Variants in IL1RN observed in about 807,000 individuals in gnomAD.
IL1RN encodes the protein interleukin-1 receptor antagonist protein.
In IL1RN, 10 loss-of-function variants were observed where a neutral mutation model predicts 13.7. The ratio of observed to expected loss-of-function variants is 0.73; its 90% CI spans 0.45 to 1.24. IL1RN has a LOEUF of 1.24. Ranked by LOEUF, IL1RN falls within the 50% of genes most tolerant of loss-of-function variation. The pLI is 0.00. For missense variants in IL1RN, 213 were observed against 222.1 expected, an observed-to-expected ratio of 0.96 and a Z score of 0.26; for synonymous variants, 102 against 82.7, an observed-to-expected ratio of 1.23 and a Z score of -1.27.
the IL1RN span, among the ~76,000 whole-genome samples, chr2:113,099,719 C>CCTTCTTTTTTTTTT: frequency 5.2e-4 from 42 of 80,532 alleles, 9 homozygotes; most frequent in Non-Finnish European, 6.9e-4. Context: ...GCATCCTCTT[C>CCTTCTTTTTTTTTT]TTTCTTTTCT....
chr2:113,132,679 C>T lies in IL1RN; in HGVS notation c.342C>T (p.Ser114=), dbSNP rs368859169. ...AGGCAGTTAACATCACTGACCTGAG[C>T]GAGAACAGAAAGCAGGACAAGCGCT... The part of the protein sequence containing the change: ...QLEAVNITDL[S]ENRKQDKRFA... The change falls in exon 4 of 4, where the codon AGC becomes AGT. Residue 114 remains serine, a synonymous_variant. Transcript: ENST00000409930. 26 of 1,614,090 alleles carry T rather than the reference C, an allele frequency of 1.6e-5. No homozygotes were observed. Among genetic ancestry groups the T allele is most frequent in the South Asian group, 3.3e-5 (3 of 91,092 alleles).
chr2:113,126,893 G>A (rs571771142), upstream of IL1RN, among the ~76,000 whole-genome samples: 7 of 152,330 alleles, frequency 4.6e-5, no homozygotes, highest in South Asian at 1.4e-3. Flanking sequence ...TAACTTTAAA[G>A]ATGTAAGATA....
intron 2 of IL1RN, chr2:113,121,621 A>T: frequency 1.0e-6 from 1 of 985,094 alleles, no homozygotes. Flanking sequence ...GATTCACAGT[A>T]AGTTAACCAT....
upstream of IL1RN, among the ~76,000 whole-genome samples, chr2:113,117,276 G>A (rs1333168736): frequency 6.6e-6 from 1 of 152,190 alleles, no homozygotes; most frequent in Non-Finnish European, 1.5e-5. Context: ...CTAAGACATG[G>A]CTTCCACGTA....
upstream of IL1RN, among the ~76,000 whole-genome samples, chr2:113,106,263 G>A (rs150780420): frequency 1.6e-3 from 237 of 152,190 alleles, 6 homozygotes; most frequent in East Asian, 0.018. Context: ...GAATGAATAA[G>A]GAACAAGAAC....
At chr2:113,110,919 G>T (rs1277989669), upstream of IL1RN, among the ~76,000 whole-genome samples, 4 of 152,138 alleles carry the variant, frequency 2.6e-5, no homozygotes, top group Admixed American at 1.3e-4. Context: ...ACTAATTTCT[G>T]GAATGAGTTA....
At chr2:113,127,541 C>A (rs1687003127), upstream of IL1RN, 1 of 1,548,396 alleles carries the variant, frequency 6.5e-7, no homozygotes, top group Non-Finnish European at 8.7e-7. Flanking sequence ...GTGGCAGACG[C>A]CTAGCTTGGG....
upstream of IL1RN, among the ~76,000 whole-genome samples, chr2:113,108,964 G>A (rs1686428027): frequency 6.6e-6 from 1 of 151,944 alleles, no homozygotes; most frequent in Non-Finnish European, 1.5e-5. Flanking sequence ...AAATAGTCAT[G>A]ACAAAAATTT....
At chr2:113,127,449 G>A, upstream of IL1RN, 4 of 1,403,930 alleles carry the variant, frequency 2.8e-6, no homozygotes, top group Non-Finnish European at 3.7e-6. Context: ...GCGACACTTA[G>A]TGGGGTTGAA....
intron 2 of IL1RN, 85 bp downstream of exon 2, chr2:113,129,749 A>C: frequency 1.1e-6 from 1 of 887,152 alleles, no homozygotes; most frequent in Non-Finnish European, 1.9e-6. Flanking sequence ...TGCCTGCACA[A>C]ACCCTAGGTG....
intron 2 of IL1RN, chr2:113,130,073 A>C (rs1687107369): frequency 8.4e-6 from 2 of 238,868 alleles, no homozygotes; most frequent in South Asian, 1.2e-4. Flanking sequence ...TGGACACCAT[A>C]CTCAGCCATA....
upstream of IL1RN, among the ~76,000 whole-genome samples, chr2:113,123,568 T>C (rs2104444519): frequency 6.6e-6 from 1 of 152,310 alleles, no homozygotes; most frequent in African/African-American, 2.4e-5. Context: ...GGCCTACCTG[T>C]GCAGCAGGAG....
upstream of IL1RN, among the ~76,000 whole-genome samples, chr2:113,108,283 A>G (rs914862395): frequency 6.6e-6 from 1 of 150,628 alleles, no homozygotes; most frequent in African/African-American, 2.4e-5. Flanking sequence ...ATTATACTTT[A>G]AGTTTTAGGG....
At chr2:113,100,455 A>G in the IL1RN span, among the ~76,000 whole-genome samples, 1 of 152,206 alleles carries the variant, frequency 6.6e-6, no homozygotes, top group Non-Finnish European at 1.5e-5. Flanking sequence ...AGGGGAGGAC[A>G]GGAGTCTGTC....
At chr2:113,108,295 A>G (rs947548215), upstream of IL1RN, among the ~76,000 whole-genome samples, 3 of 151,632 alleles carry the variant, frequency 2.0e-5, no homozygotes, top group Non-Finnish European at 2.9e-5. Context: ...GTTTTAGGGT[A>G]CATGTGCACA....
chr2:113,123,945 A>G (rs1045286217), upstream of IL1RN, among the ~76,000 whole-genome samples: 28 of 152,218 alleles, frequency 1.8e-4, no homozygotes, highest in African/African-American at 6.5e-4. Flanking sequence ...TCCCATGTGG[A>G]CAGCTGTGCT....
chr2:113,108,436 T>A (rs918091566), upstream of IL1RN, among the ~76,000 whole-genome samples: 4 of 146,026 alleles, frequency 2.7e-5, no homozygotes, highest in Non-Finnish European at 5.9e-5. Flanking sequence ...CAGTCCCCAG[T>A]GTGCGATGTT....
chr2:113,122,249 G>T (rs1373373396), intron 2 of IL1RN, among the ~76,000 whole-genome samples: 2 of 152,168 alleles, frequency 1.3e-5, no homozygotes, highest in African/African-American at 2.4e-5. Context: ...ATTTGTTAAA[G>T]CTTCCCGACA....
At chr2:113,132,431 G>C (rs929806988) in intron 3 of IL1RN, among the ~76,000 whole-genome samples, 1 of 152,216 alleles carries the variant, frequency 6.6e-6, no homozygotes, top group Admixed American at 6.5e-5. Flanking sequence ...CTAGGCGACA[G>C]AGCAAGACTC....
Sources: gnomAD v4.1 joint callset for allele counts (sites outside exome capture counted in the v4.1 genomes callset) on GRCh38, gnomAD v4.1.1 for gene constraint, MANE v1.5 for transcripts, NCBI Gene and HGNC (gene_info 2026-07-23, HGNC 2026-07-21) for gene names.